Variants in C17orf113 observed in about 807,000 individuals in gnomAD.
The protein encoded by C17orf113 is uncharacterized protein C17orf113.
In C17orf113, 5 loss-of-function variants were observed where a neutral mutation model predicts 11.6. The observed-to-expected ratio is 0.43, with a 90% CI of 0.23 to 0.91. The LOEUF (loss-of-function observed/expected upper bound fraction) is 0.91, where lower values mean the gene tolerates loss of function less well. Among genes scored for constraint, C17orf113 ranks in the 40% least tolerant of loss-of-function variants. The pLI is 0.26. For missense variants in C17orf113, 714 were observed against 841.3 expected (o/e 0.85, Z 1.87); for synonymous variants, 327 against 390.6 (o/e 0.84, Z 1.92).
At chr17:42,042,663 C>A (rs895050937) in intron 2 of C17orf113, among the ~76,000 whole-genome samples, 171 bp downstream of exon 2, 1 of 152,218 alleles carries the variant, frequency 6.6e-6, no homozygotes, top group Non-Finnish European at 1.5e-5. Context: ...TGTATCCCTG[C>A]AGCTGGCCCA....
rs941887993 is a variant in C17orf113 at position 42,045,119 on chromosome 17, G to A, written c.-187-1556C>T. Among the ~76,000 whole-genome samples the A allele has an allele frequency of 1.6e-4, 25 of 152,286 alleles. 1 individual carries two copies. Among genetic ancestry groups the A allele is most frequent in the Admixed American group, 1.0e-3 (16 of 15,298 alleles). The stretch of plus-strand genomic sequence containing the variant: ...TTTTTAGTGGAGACGGGGTTTCACC[G>A]TGTTAGCCACGATGGTCTCGATCTC... On this transcript the variant is annotated intron_variant, in intron 1 of 2. Coordinates refer to ENST00000587304, the MANE Select transcript of C17orf113 (RefSeq NM_001358661.2).
Position 42,040,087 on chromosome 17 carries a change from G to A in C17orf113, c.1646C>T (p.Ala549Val). ...CGCCCGCTGGCGCACCACGGCAGGA[G>A]CAAAGCCGCGCAGCAGCACCCGCAG... is the stretch of plus-strand genomic sequence containing the variant. ...GALRVLLRGF[A>V]PAVVRQRALG... Residue 549 changes from alanine (A) to valine (V), a missense_variant, in exon 3 of 3, where the codon GCT becomes GTT. Physicochemically the swap from Ala to Val is moderately conservative, Grantham distance 64 (BLOSUM62 0). Around this residue, in one of 3 missense-constraint regions of C17orf113, gnomAD observed 194 missense variants for 197.2 expected, o/e 0.98. Coordinates refer to ENST00000587304, the MANE Select transcript of C17orf113 (RefSeq NM_001358661.2). 2 of 1,231,308 alleles carry A rather than the reference G, an allele frequency of 1.6e-6. No homozygotes were observed. The highest frequency in any genetic ancestry group is 1.0e-6 in the Non-Finnish European group (1 of 987,628). The allele number at this position is 1,231,308 out of a possible 1,614,324, so 76.3% of individuals were successfully genotyped here.
Position 42,043,460 on chromosome 17 carries a change from G to A in C17orf113, c.-84C>T, listed in dbSNP as rs1443644074. ...TCCCCCACACACAGGCACCTCCCTT[G>A]ACAAGGAGAGTTGATGGGGAGGCAG... On this transcript the variant is annotated 5_prime_UTR_variant, in exon 2 of 3. Coordinates refer to ENST00000587304, the MANE Select transcript of C17orf113 (RefSeq NM_001358661.2). 14 of 1,167,438 alleles carry A rather than the reference G, an allele frequency of 1.2e-5. No individual in the cohort carries two copies. Among genetic ancestry groups the A allele is most frequent in the Admixed American group, 4.2e-5 (1 of 23,638 alleles). The allele number at this position is 1,167,438 out of a possible 1,614,324, so 72.3% of individuals were successfully genotyped here.
chr17:42,043,791 C>G (rs2053084358), intron 1 of C17orf113, among the ~76,000 whole-genome samples: 1 of 152,136 alleles, frequency 6.6e-6, no homozygotes, highest in East Asian at 1.9e-4. Context: ...GGGTCTCTTT[C>G]CACCCAGGAC....
In C17orf113 at chr17:42,043,492, G is replaced by A. The variant is rs781849033; in HGVS notation, c.-116C>T. 5.9e-5 allele frequency: 54 copies of A among 911,428 alleles called. No homozygotes were observed. Among genetic ancestry groups the A allele is most frequent in the Non-Finnish European group, 7.3e-5 (51 of 696,372 alleles). The allele number at this position is 911,428 out of a possible 1,614,324, so 56.5% of individuals were successfully genotyped here. A position where few individuals can be genotyped will look rare whatever the true frequency, so the allele number is the denominator to read the frequency against. On this transcript the variant is annotated 5_prime_UTR_variant, in exon 2 of 3. Coordinates refer to ENST00000587304, the MANE Select transcript of C17orf113 (RefSeq NM_001358661.2). ...AGAGTTGATGGGGAGGCAGGCTGGG[G>A]GCAGCCCGCCAGGCTAACAGGGCCC...
chr17:42,043,970 T>G lies in C17orf113; in HGVS notation c.-187-407A>C, dbSNP rs557926729. The stretch of plus-strand genomic sequence containing the variant: ...AGGACTAAAACTCAGAACTCTCAAC[T>G]CCTAGCCCAAAAGATGACTGTGCCC... On this transcript the variant is annotated intron_variant, in intron 1 of 2. Coordinates refer to ENST00000587304, the MANE Select transcript of C17orf113 (RefSeq NM_001358661.2). 9.9e-5 allele frequency among the ~76,000 whole-genome samples: 15 copies of G among 151,822 alleles called. No individual in the cohort carries two copies. In the South Asian group the frequency reaches 2.7e-3, roughly 27 times the overall value.
At chr17:42,041,212 G>C in intron 2 of C17orf113, 23 bp from the exon 3 acceptor site, 1 of 1,232,326 alleles carries the variant, frequency 8.1e-7, no homozygotes, top group Non-Finnish European at 1.0e-6. Flanking sequence ...GGGAAAGAAA[G>C]GGAGGGAGGA....
chr17:42,039,985 A>C lies in C17orf113; in HGVS notation c.1748T>G (p.Leu583Arg), dbSNP rs1440864091. The change falls in exon 3 of 3, where the codon CTG becomes CGG. Residue 583 changes from leucine to arginine, a missense_variant. Physicochemically the swap from Leu to Arg is moderately radical, Grantham distance 102. This residue lies in a region of C17orf113 where 194 missense variants were observed against 197.2 expected (regional missense o/e 0.98). Transcript: ENST00000587304. ...RLGPRALCTQ[L>R]ACAHSELHEL... ...GTGCAGCTCCGAGTGCGCGCACGCC[A>C]GCTGGGTGCACAGGGCCCGCGGGCC... 8.1e-7 allele frequency: 1 copy of C among 1,230,916 alleles called. No individual in the cohort carries two copies. Among genetic ancestry groups the C allele is most frequent in the Non-Finnish European group, 1.0e-6 (1 of 987,474 alleles). The allele number at this position is 1,230,916 out of a possible 1,614,324, so 76.2% of individuals were successfully genotyped here.
chr17:42,041,302 CT>C, intron 2 of C17orf113, 113 bp from the exon 3 acceptor site: 1 of 927,728 alleles, frequency 1.1e-6, no homozygotes, highest in Non-Finnish European at 1.4e-6. Context: ...GTTAGACAGA[CT>C]TAGGGACTAA....
chr17:42,047,659 CT>C (rs1233518697), intron 1 of C17orf113, among the ~76,000 whole-genome samples: 31 of 146,194 alleles, frequency 2.1e-4, no homozygotes, highest in African/African-American at 4.3e-4. Flanking sequence ...TTCCTTGGGA[CT>C]TTTTTTTTTT....
intron 1 of C17orf113, among the ~76,000 whole-genome samples, chr17:42,049,407 C>G (rs1555656909): frequency 6.6e-6 from 1 of 152,216 alleles, no homozygotes; most frequent in African/African-American, 2.4e-5. Context: ...GGAAAGGTAA[C>G]TAACTTCTTC....
rs2052975450 is a variant in C17orf113, at chr17:42,040,050, G to T, written c.1683C>A (p.Phe561Leu). The change falls in exon 3 of 3, where the codon TTC (phenylalanine) becomes TTA (leucine). Residue 561 changes from phenylalanine to leucine, a missense_variant. This residue lies in a region of C17orf113 where 194 missense variants were observed against 197.2 expected (regional missense o/e 0.98). Coordinates refer to ENST00000587304, the MANE Select transcript of C17orf113 (RefSeq NM_001358661.2). The stretch of plus-strand genomic sequence containing the variant: ...CGAATACTACGCGCTTAAACAGCGC[G>T]AAGTCGCCCAGCGCCCGCTGGCGCA... Reference protein sequence around the residue: ...AVVRQRALGDFALFKRVVFGL... With the variant: ...AVVRQRALGDLALFKRVVFGL... 1 of 1,231,036 alleles carries T rather than the reference G, an allele frequency of 8.1e-7. No individual in the cohort carries two copies. Among genetic ancestry groups the T allele is most frequent in the Non-Finnish European group, 1.0e-6 (1 of 987,550 alleles). 76.3% of individuals were successfully genotyped at this position (1,231,036 alleles called of 1,614,324 possible). A position where few individuals can be genotyped will look rare whatever the true frequency, so the allele number is the denominator to read the frequency against.
chr17:42,042,121 C>T (rs2053036738), intron 2 of C17orf113, among the ~76,000 whole-genome samples: 1 of 152,124 alleles, frequency 6.6e-6, no homozygotes, highest in African/African-American at 2.4e-5. Context: ...ATTTCCATTC[C>T]AGCACTTTGC....
chr17:42,045,218 AT>A (rs1237004501), intron 1 of C17orf113, among the ~76,000 whole-genome samples: 2 of 139,662 alleles, frequency 1.4e-5, no homozygotes, highest in Non-Finnish European at 3.1e-5. Context: ...CGCCCAGCCA[AT>A]TTTTTATATT....
At position 42,040,531 on chromosome 17, in the gene C17orf113, G is replaced by T. The variant is rs1238082099; in HGVS notation, c.1202C>A (p.Thr401Asn). ...ALRQFTFVAFTHLLLDALPSV... is the reference protein window; with the variant it reads ...ALRQFTFVAFNHLLLDALPSV... ...GGGCAGGGCATCCAGCAGCAGGTGG[G>T]TGAAGGCCACGAAGGTGAACTGGCG... The change falls in exon 3 of 3, where the codon ACC becomes AAC. Residue 401 changes from threonine to asparagine, a missense_variant. Thr to Asn is a moderately conservative substitution (Grantham distance 65, BLOSUM62 0). Around this residue, in one of 3 missense-constraint regions of C17orf113, gnomAD observed 516 missense variants for 626.6 expected, o/e 0.82. Coordinates refer to ENST00000587304, the MANE Select transcript of C17orf113 (RefSeq NM_001358661.2). 9 of 1,232,886 alleles carry T rather than the reference G, an allele frequency of 7.3e-6. No individual in the cohort carries two copies. The highest frequency in any genetic ancestry group is 8.1e-6 in the Non-Finnish European group (8 of 988,660). 76.4% of individuals were successfully genotyped at this position (1,232,886 alleles called of 1,614,324 possible).
chr17:42,040,133 C>T lies in C17orf113; in HGVS notation c.1600G>A (p.Gly534Ser), dbSNP rs1315662991. Residue 534 changes from glycine (G) to serine (S), a missense_variant, in exon 3 of 3, where the codon GGC becomes AGC. Around this residue, in one of 3 missense-constraint regions of C17orf113, gnomAD observed 194 missense variants for 197.2 expected, o/e 0.98. Transcript: ENST00000587304. ...RRYPQAPEEL[G>S]THGEGALRVL... ...CGCAGCGCCCCCTCGCCATGCGTGC[C>T]CAGCTCCTCCGGCGCCTGCGGGTAG... The T allele has an allele frequency of 1.6e-6, 2 of 1,231,460 alleles. No individual in the cohort carries two copies. The highest frequency in any genetic ancestry group is 2.0e-6 in the Non-Finnish European group (2 of 987,758). The allele number at this position is 1,231,460 out of a possible 1,614,324, so 76.3% of individuals were successfully genotyped here.
At position 42,040,742 on chromosome 17, in the gene C17orf113, A is replaced by C; in HGVS notation, c.991T>G (p.Leu331Val). 1 of 1,232,352 alleles carries C rather than the reference A, an allele frequency of 8.1e-7. No homozygotes were observed. Among genetic ancestry groups the C allele is most frequent in the South Asian group, 4.1e-5 (1 of 24,324 alleles). 76.3% of individuals were successfully genotyped at this position (1,232,352 alleles called of 1,614,324 possible). The change falls in exon 3 of 3, where the codon TTG (leucine) becomes GTG (valine). Residue 331 changes from leucine (L) to valine (V), a missense_variant. Physicochemically the swap from Leu to Val is conservative, Grantham distance 32. This residue lies in a region of C17orf113 where 516 missense variants were observed against 626.6 expected (regional missense o/e 0.82). Coordinates refer to ENST00000587304, the MANE Select transcript of C17orf113 (RefSeq NM_001358661.2). Reference protein sequence around the residue: ...FRLHGGPSSHLVPELRAALDL... With the variant: ...FRLHGGPSSHVVPELRAALDL... ...AGTGCTGCCCGGAGCTCAGGGACCAAGTGGGAACTAGGGCCACCATGGAGG... is the reference window on the plus strand; with the variant it reads ...AGTGCTGCCCGGAGCTCAGGGACCACGTGGGAACTAGGGCCACCATGGAGG...
Position 42,039,935 on chromosome 17 carries a change from G to C in C17orf113, c.1798C>G (p.Leu600Val), listed in dbSNP as rs1164589196. 8.1e-7 allele frequency: 1 copy of C among 1,231,136 alleles called. No individual in the cohort carries two copies. The highest frequency in any genetic ancestry group is 3.2e-5 in the East Asian group (1 of 31,700). 76.3% of individuals were successfully genotyped at this position (1,231,136 alleles called of 1,614,324 possible). A position where few individuals can be genotyped will look rare whatever the true frequency, so the allele number is the denominator to read the frequency against. Residue 600 changes from leucine (L) to valine (V), a missense_variant, in exon 3 of 3, where the codon CTA becomes GTA. Transcript: ENST00000587304. ...GGCAGCGCCAAAGCCAAGGCGGCTA[G>C]GGCGGCGAAGTCGGGGAAGAGCTCG... ...LHELFPDFAALAALALALPAG... is the reference protein window; with the variant it reads ...LHELFPDFAAVAALALALPAG...
chr17:42,050,168 C>T lies in C17orf113; in HGVS notation c.-188+389G>A, dbSNP rs1477960586. On this transcript the variant is annotated intron_variant, in intron 1 of 2. Coordinates refer to ENST00000587304, the MANE Select transcript of C17orf113 (RefSeq NM_001358661.2). This position sits in a 1 kb window ranked among gnomAD's most constrained non-coding sequence, Gnocchi z 5.6. Reference sequence around the variant, plus strand: ...CACACCCTGACCAGCCGGATGGGAGCAGGAACAACTTGACAAGGACCCCAA... The same window carrying T: ...CACACCCTGACCAGCCGGATGGGAGTAGGAACAACTTGACAAGGACCCCAA... 6.9e-6 allele frequency among the ~76,000 whole-genome samples: 1 copy of T among 144,134 alleles called. No homozygotes were observed. The highest frequency in any genetic ancestry group is 2.4e-5 in the African/African-American group (1 of 41,240). 94.6% of individuals were successfully genotyped at this position (144,134 alleles called of 152,430 possible).
Sources: gnomAD v4.1 joint callset for allele counts (sites outside exome capture counted in the v4.1 genomes callset) on GRCh38, gnomAD v4.1.1 for gene constraint, gnomAD v4.1.1 regional missense constraint, Gnocchi (gnomAD v3.1) non-coding constraint, MANE v1.5 for transcripts, NCBI Gene and HGNC (gene_info 2026-07-23, HGNC 2026-07-21) for gene names.